The following GPM6A variants were observed in gnomAD, a reference collection of about 807,000 sequenced individuals.
The protein encoded by GPM6A is neuronal membrane glycoprotein M6-a.
A neutral mutation model predicts 32.1 loss-of-function variants in GPM6A; 7 were observed. That is an observed-to-expected ratio of 0.22 (90% CI 0.12 to 0.41). GPM6A has a LOEUF of 0.41. Among genes scored for constraint, GPM6A ranks in the 10% least tolerant of loss-of-function variants. The pLI, the probability that GPM6A is intolerant of heterozygous loss-of-function variation, is 1.00. For missense variants in GPM6A, 235 were observed against 347.2 expected (o/e 0.68, Z 2.57); for synonymous variants, 130 against 123.4 (o/e 1.05, Z -0.35).
chr4:175,928,538 T>C (rs1738922539), intron 1 of GPM6A, among the ~76,000 whole-genome samples: 1 of 152,160 alleles, frequency 6.6e-6, no homozygotes, highest in Admixed American at 6.5e-5. Context: ...GAAATTGAAA[T>C]ATCATCCATA....
At chr4:175,650,720 G>C (rs1053149118) in intron 4 of GPM6A, among the ~76,000 whole-genome samples, 1 of 152,120 alleles carries the variant, frequency 6.6e-6, no homozygotes, top group Non-Finnish European at 1.5e-5. Context: ...CACACAGCTA[G>C]TTGGCTACCC....
intron 1 of GPM6A, among the ~76,000 whole-genome samples, chr4:175,770,325 C>T (rs1423183322): frequency 1.3e-5 from 2 of 152,188 alleles, no homozygotes; most frequent in Non-Finnish European, 2.9e-5. Context: ...TGCGCCTGGC[C>T]GATGCCTAGA....
intron 1 of GPM6A, among the ~76,000 whole-genome samples, chr4:175,779,203 G>C (rs2111249228): frequency 6.6e-6 from 1 of 152,220 alleles, no homozygotes; most frequent in South Asian, 2.1e-4. Context: ...TCACCATAGT[G>C]CCTGTTTAAA....
At chr4:175,979,610 T>TACATATAAAAAAAC (rs1740764900) in intron 1 of GPM6A, among the ~76,000 whole-genome samples, 1 of 151,306 alleles carries the variant, frequency 6.6e-6, no homozygotes, top group South Asian at 2.1e-4. Flanking sequence ...ATAAAAAAAA[T>TACATATAAAAAAAC]ACATATAAAA....
At chr4:175,974,448 C>T (rs1189370676) in intron 1 of GPM6A, among the ~76,000 whole-genome samples, 2 of 152,176 alleles carry the variant, frequency 1.3e-5, no homozygotes, top group East Asian at 1.9e-4. Context: ...CTCCACCTCC[C>T]GGGTTCAAGC....
chr4:175,863,559 C>T (rs1311691402), intron 1 of GPM6A, among the ~76,000 whole-genome samples: 2 of 151,912 alleles, frequency 1.3e-5, no homozygotes, highest in South Asian at 2.1e-4. Context: ...TGAGTCTTGG[C>T]GTGAGCATAT....
intron 1 of GPM6A, among the ~76,000 whole-genome samples, chr4:175,703,235 G>A (rs374004829): frequency 1.3e-5 from 2 of 151,932 alleles, no homozygotes; most frequent in African/African-American, 2.4e-5. Flanking sequence ...ACAGTAGTGC[G>A]ATCTCGGCTC....
chr4:175,808,665 G>A (rs1476917422), intron 1 of GPM6A: 1 of 152,222 alleles, frequency 6.6e-6, no homozygotes, highest in Non-Finnish European at 1.5e-5. Flanking sequence ...TTCCACTGAG[G>A]CGATGGCAGG....
chr4:175,799,453 A>G (rs1734372612), intron 1 of GPM6A, among the ~76,000 whole-genome samples: 1 of 152,116 alleles, frequency 6.6e-6, no homozygotes, highest in African/African-American at 2.4e-5. Context: ...GTATCTAGGA[A>G]TCTAAGAGTC....
chr4:175,826,164 C>T (rs1486237042), intron 1 of GPM6A, among the ~76,000 whole-genome samples: 1 of 147,876 alleles, frequency 6.8e-6, no homozygotes, highest in African/African-American at 2.6e-5. Flanking sequence ...TGTCTCAAAA[C>T]AAACAAACAA....
intron 2 of GPM6A, among the ~76,000 whole-genome samples, chr4:175,678,436 TTA>T (rs551681336): frequency 1.7e-4 from 26 of 152,230 alleles, no homozygotes; most frequent in African/African-American, 5.8e-4. Context: ...CATCCTGTGA[TTA>T]TATACAAGAG....
intron 1 of GPM6A, among the ~76,000 whole-genome samples, chr4:175,950,150 T>C (rs1739758473): frequency 6.6e-6 from 1 of 152,202 alleles, no homozygotes; most frequent in South Asian, 2.1e-4. Flanking sequence ...ACAAAGTTAA[T>C]ATATTTCTTT....
At chr4:175,767,801 T>G (rs1269863018) in intron 1 of GPM6A, among the ~76,000 whole-genome samples, 2 of 152,238 alleles carry the variant, frequency 1.3e-5, no homozygotes, top group Non-Finnish European at 2.9e-5. Context: ...AGAGTTATAA[T>G]GCGGATGTTG....
intron 4 of GPM6A, among the ~76,000 whole-genome samples, chr4:175,649,982 G>A (rs1352976499): frequency 6.6e-6 from 1 of 152,114 alleles, no homozygotes; most frequent in Non-Finnish European, 1.5e-5. Flanking sequence ...TTAGGACAAG[G>A]GGCAGAGAGC....
Position 175,937,600 on chromosome 4 carries a change from C to T in GPM6A, c.-23+64709G>A, listed in dbSNP as rs1346163896. Among the ~76,000 whole-genome samples the T allele has an allele frequency of 1.3e-5, 2 of 151,944 alleles. 1 individual carries two copies. The highest frequency in any genetic ancestry group is 4.8e-5 in the African/African-American group (2 of 41,372). On this transcript the variant is annotated intron_variant, in intron 1 of 7. Transcript: ENST00000280187. ...AGTCAATGAATAAATAGAATGAAAC[C>T]TTAAAGTATCCAGCATGTTGAAAAC...
intron 1 of GPM6A, among the ~76,000 whole-genome samples, chr4:175,929,729 T>C (rs1049245434): frequency 1.3e-5 from 2 of 152,120 alleles, no homozygotes; most frequent in African/African-American, 2.4e-5. Context: ...TAGGTGTAAA[T>C]ATAAACAAAA....
intron 1 of GPM6A, among the ~76,000 whole-genome samples, chr4:175,919,946 C>A (rs1409727166): frequency 6.6e-6 from 1 of 152,216 alleles, no homozygotes; most frequent in Non-Finnish European, 1.5e-5. Context: ...TATCTCCTGT[C>A]TAGACTTCCA....
chr4:175,813,829 CT>C (rs1735019227), upstream of GPM6A, among the ~76,000 whole-genome samples: 1 of 152,196 alleles, frequency 6.6e-6, no homozygotes, highest in Non-Finnish European at 1.5e-5. Flanking sequence ...AGTCCTCTTA[CT>C]TGTATAATCA....
intron 1 of GPM6A, among the ~76,000 whole-genome samples, chr4:175,931,699 C>CATATAT (rs1739047776): frequency 6.9e-6 from 1 of 145,836 alleles, no homozygotes; most frequent in Non-Finnish European, 1.5e-5. Context: ...CACACACACA[C>CATATAT]ACACACACAC....
Sources: gnomAD v4.1 joint callset for allele counts (sites outside exome capture counted in the v4.1 genomes callset) on GRCh38, gnomAD v4.1.1 for gene constraint, MANE v1.5 for transcripts, NCBI Gene and HGNC (gene_info 2026-07-23, HGNC 2026-07-21) for gene names.